Variants in EEFSEC observed in about 807,000 individuals in gnomAD.
EEFSEC encodes the protein selenocysteine-specific elongation factor.
EEFSEC carries 43 observed loss-of-function variants against 42.1 expected under a neutral mutation model. The ratio of observed to expected loss-of-function variants is 1.02; its 90% CI spans 0.80 to 1.32. EEFSEC has a LOEUF of 1.32. Ranked by LOEUF, EEFSEC falls within the 40% of genes most tolerant of loss-of-function variation. The pLI, the probability that EEFSEC is intolerant of heterozygous loss-of-function variation, is 0.00. For missense variants in EEFSEC, 745 were observed against 803.6 expected (o/e 0.93, Z 0.88); for synonymous variants, 354 against 339.1 (o/e 1.04, Z -0.48).
At chr3:128,195,945 G>A (rs1027207230) in intron 1 of EEFSEC, among the ~76,000 whole-genome samples, 1 of 152,248 alleles carries the variant, frequency 6.6e-6, no homozygotes, top group South Asian at 2.1e-4. Flanking sequence ...AGAAGCAACC[G>A]TGGCCTGGCT....
At chr3:128,357,191 G>C (rs1206977493) in intron 5 of EEFSEC, among the ~76,000 whole-genome samples, 2 of 152,268 alleles carry the variant, frequency 1.3e-5, no homozygotes, top group Non-Finnish European at 2.9e-5. Context: ...AGGCCACCTG[G>C]CCATGCTGCC....
chr3:128,271,822 C>G (rs2066416308), intron 4 of EEFSEC, among the ~76,000 whole-genome samples: 1 of 152,134 alleles, frequency 6.6e-6, no homozygotes, highest in Non-Finnish European at 1.5e-5. Flanking sequence ...ACAGAAAAGC[C>G]TTATTGCTGT....
chr3:128,181,324 TTGTC>T (rs2065402824), intron 1 of EEFSEC, among the ~76,000 whole-genome samples: 1 of 152,154 alleles, frequency 6.6e-6, no homozygotes, highest in Non-Finnish European at 1.5e-5. Context: ...CATTCTGAGT[TTGTC>T]TGTTTGTTTA....
intron 4 of EEFSEC, among the ~76,000 whole-genome samples, chr3:128,268,582 G>A (rs9859919): frequency 0.071 from 10,771 of 152,084 alleles, 1,010 homozygotes; most frequent in East Asian, 0.36. Flanking sequence ...ATCTTAAGAA[G>A]AAATCATCCT....
chr3:128,389,753 C>T (rs983109035), intron 6 of EEFSEC, among the ~76,000 whole-genome samples: 2 of 152,244 alleles, frequency 1.3e-5, no homozygotes, highest in Admixed American at 6.5e-5. Flanking sequence ...GGCTTAACGC[C>T]GAGAGCCTCA....
At chr3:128,325,705 G>GA (rs926531008) in intron 4 of EEFSEC, among the ~76,000 whole-genome samples, 10 of 151,646 alleles carry the variant, frequency 6.6e-5, no homozygotes, top group Admixed American at 3.3e-4. Context: ...AAGAAACTGG[G>GA]AAAAAAAACC....
chr3:128,278,890 C>T (rs574449933), intron 4 of EEFSEC, among the ~76,000 whole-genome samples: 2 of 152,348 alleles, frequency 1.3e-5, no homozygotes, highest in Admixed American at 6.5e-5. Flanking sequence ...CTGCCCACCC[C>T]CTTGCAGCCT....
intron 4 of EEFSEC, among the ~76,000 whole-genome samples, chr3:128,298,063 A>G (rs1255833181): frequency 6.6e-6 from 1 of 152,252 alleles, no homozygotes; most frequent in African/African-American, 2.4e-5. Flanking sequence ...ATAAGCTGAC[A>G]CAGGCTTCAA....
At chr3:128,289,835 G>A (rs1032658208) in intron 4 of EEFSEC, among the ~76,000 whole-genome samples, 2 of 152,196 alleles carry the variant, frequency 1.3e-5, no homozygotes, top group African/African-American at 2.4e-5. Flanking sequence ...ATGGTAGAAT[G>A]GAAATATGTT....
chr3:128,160,036 T>A (rs1221483567), intron 1 of EEFSEC, among the ~76,000 whole-genome samples: 4 of 152,250 alleles, frequency 2.6e-5, no homozygotes, highest in Non-Finnish European at 5.9e-5. Context: ...AGATATTTAG[T>A]AAGTTCTGGA....
intron 6 of EEFSEC, among the ~76,000 whole-genome samples, chr3:128,395,463 G>C (rs2067970055): frequency 6.6e-6 from 1 of 152,206 alleles, no homozygotes; most frequent in Non-Finnish European, 1.5e-5. Context: ...ACTGTCTGTG[G>C]CTCCTTCCCT....
the EEFSEC span, among the ~76,000 whole-genome samples, chr3:128,417,970 C>G: frequency 6.6e-6 from 1 of 152,098 alleles, no homozygotes; most frequent in Admixed American, 6.6e-5. The surrounding 1 kb of genome is among the most constrained non-coding windows in gnomAD (Gnocchi z 4.3). Context: ...CCCAGCCTTG[C>G]CAGCCCACCC....
At chr3:128,291,704 A>T (rs550753630) in intron 4 of EEFSEC, among the ~76,000 whole-genome samples, 1 of 152,302 alleles carries the variant, frequency 6.6e-6, no homozygotes, top group South Asian at 2.1e-4. Context: ...TTATTTTGTG[A>T]ATTTCTGAGT....
chr3:128,295,451 C>CTTTTTTTTTTTT lies in EEFSEC; in HGVS notation c.786+30682_786+30693dup, dbSNP rs201911929. 3.0e-4 allele frequency among the ~76,000 whole-genome samples: 19 copies of CTTTTTTTTTTTT among 64,004 alleles called. 1 individual carries two copies. Among genetic ancestry groups the CTTTTTTTTTTTT allele is most frequent in the East Asian group, 5.9e-4 (1 of 1,700 alleles). 42.0% of individuals were successfully genotyped at this position (64,004 alleles called of 152,430 possible). A position where few individuals can be genotyped will look rare whatever the true frequency, so the allele number is the denominator to read the frequency against. Reference sequence around the variant, plus strand: ...AGGCATTTTTCTGTACTTCCCCCTACTTTTTTTTTTTTTTTTTTTTTTTGC... The same window carrying CTTTTTTTTTTTT: ...AGGCATTTTTCTGTACTTCCCCCTACTTTTTTTTTTTTTTTTTTTTTTTTTTTTTTTTTTTGC... On this transcript the variant is annotated intron_variant, in intron 4 of 6. Coordinates refer to ENST00000254730, the MANE Select transcript of EEFSEC (RefSeq NM_021937.5).
chr3:128,328,429 T>A (rs2067088874), intron 4 of EEFSEC, among the ~76,000 whole-genome samples: 1 of 152,082 alleles, frequency 6.6e-6, no homozygotes, highest in African/African-American at 2.4e-5. Context: ...AGGTGTGGGG[T>A]GCAAATTAGA....
At chr3:128,172,231 G>T (rs1312739482) in intron 1 of EEFSEC, among the ~76,000 whole-genome samples, 1 of 152,198 alleles carries the variant, frequency 6.6e-6, no homozygotes, top group Non-Finnish European at 1.5e-5. Context: ...TAGCACCCAA[G>T]AGAGTTTAAC....
chr3:128,329,829 GGCTGAAGGACA>G (rs1242892433), intron 4 of EEFSEC, among the ~76,000 whole-genome samples: 1 of 152,242 alleles, frequency 6.6e-6, no homozygotes, highest in East Asian at 1.9e-4. Context: ...TCATAAACCT[GGCTGAAGGACA>G]GGGTAGCCTT....
chr3:128,411,558 T>C (rs1040882653), downstream of EEFSEC, among the ~76,000 whole-genome samples: 7 of 151,992 alleles, frequency 4.6e-5, no homozygotes, highest in African/African-American at 1.7e-4. Context: ...GGGTGGGGCA[T>C]GGGGCAGCAG....
chr3:128,393,290 C>G (rs1252751744), intron 6 of EEFSEC, among the ~76,000 whole-genome samples: 1 of 152,250 alleles, frequency 6.6e-6, no homozygotes. Context: ...TTCCAGGGTA[C>G]TGGCCTGGCT....
Sources: gnomAD v4.1 joint callset for allele counts (sites outside exome capture counted in the v4.1 genomes callset) on GRCh38, gnomAD v4.1.1 for gene constraint, Gnocchi (gnomAD v3.1) non-coding constraint, MANE v1.5 for transcripts, NCBI Gene and HGNC (gene_info 2026-07-23, HGNC 2026-07-21) for gene names.